NECAB1: variants seen among roughly 807,000 people sequenced by gnomAD.
NECAB1 encodes N-terminal EF-hand calcium-binding protein 1.
In NECAB1, 29 loss-of-function variants were observed where a neutral mutation model predicts 57.5. That is an observed-to-expected ratio of 0.50 (90% CI 0.38 to 0.69). NECAB1 has a LOEUF of 0.69. Among genes scored for constraint, NECAB1 ranks in the 30% least tolerant of loss-of-function variants. The pLI is 0.00. For missense variants in NECAB1, 372 were observed against 413.8 expected (o/e 0.90, Z 0.88); for synonymous variants, 142 against 147.7 (o/e 0.96, Z 0.28).
In NECAB1 at chr8:90,833,653, A is replaced by G. The variant is rs1196212913; in HGVS notation, c.233+8828A>G. On this transcript the variant is annotated intron_variant, in intron 3 of 12. Coordinates refer to ENST00000417640, the MANE Select transcript of NECAB1 (RefSeq NM_022351.5). ...GAAGCTAGATGAATGATTTATTCAC[A>G]TAAATGCAGTTTTTTTCTTAAGTCA... Among the ~76,000 whole-genome samples, 7 of 152,186 alleles carry G rather than the reference A, an allele frequency of 4.6e-5. No homozygotes were observed. In the East Asian group the frequency reaches 1.2e-3, roughly 25 times the overall value.
At chr8:90,884,708 A>T (rs1044144247) in intron 5 of NECAB1, among the ~76,000 whole-genome samples, 5 of 152,354 alleles carry the variant, frequency 3.3e-5, no homozygotes, top group Non-Finnish European at 5.9e-5. Flanking sequence ...ACCACAAAAA[A>T]TACTTTTTAA....
intron 2 of NECAB1, among the ~76,000 whole-genome samples, chr8:90,805,742 AAT>A (rs1468823986): frequency 6.6e-5 from 10 of 152,010 alleles, no homozygotes; most frequent in Non-Finnish European, 1.5e-5. Context: ...TTTATTTTAA[AAT>A]ATTTAATTGG....
intron 5 of NECAB1, among the ~76,000 whole-genome samples, chr8:90,914,815 A>C (rs1349634877): frequency 6.6e-6 from 1 of 152,226 alleles, no homozygotes; most frequent in Admixed American, 6.5e-5. Context: ...AAATGCAATA[A>C]ATTCTTAGAG....
Position 90,925,983 on chromosome 8 carries a change from C to T in NECAB1, c.616+327C>T, listed in dbSNP as rs149959977. On this transcript the variant is annotated intron_variant, in intron 7 of 12. Coordinates refer to ENST00000417640, the MANE Select transcript of NECAB1 (RefSeq NM_022351.5). Reference sequence around the variant, plus strand: ...GATCTTGAAATAAAGGGACTCTACCCTAATATGCTCTAGATCTCCAAGCCT... The same window carrying T: ...GATCTTGAAATAAAGGGACTCTACCTTAATATGCTCTAGATCTCCAAGCCT... 2.3e-3 allele frequency among the ~76,000 whole-genome samples: 351 copies of T among 152,246 alleles called. 2 individuals are homozygous for T. Among genetic ancestry groups the T allele is most frequent in the African/African-American group, 8.1e-3 (336 of 41,550 alleles).
At chr8:90,814,121 T>C (rs1586037151) in intron 2 of NECAB1, among the ~76,000 whole-genome samples, 1 of 152,242 alleles carries the variant, frequency 6.6e-6, no homozygotes. Context: ...CAGACTTTCT[T>C]TGATTTGATA....
intron 5 of NECAB1, among the ~76,000 whole-genome samples, chr8:90,884,181 A>C (rs1019839065): frequency 2.6e-5 from 4 of 152,186 alleles, no homozygotes; most frequent in Non-Finnish European, 5.9e-5. Context: ...CCTACAATAC[A>C]TTTTCAATAA....
chr8:90,915,753 G>A (rs915102905), intron 5 of NECAB1, among the ~76,000 whole-genome samples: 5 of 152,176 alleles, frequency 3.3e-5, no homozygotes, highest in African/African-American at 7.2e-5. Context: ...CAGAAGTAGG[G>A]AAGCCAACAG....
In NECAB1 at chr8:90,958,777, C is replaced by T. The variant is rs1811078822; in HGVS notation, c.*3265C>T. On this transcript the variant is annotated 3_prime_UTR_variant, in exon 13 of 13. Coordinates refer to ENST00000417640, the MANE Select transcript of NECAB1 (RefSeq NM_022351.5). ...GTCTTCCCACTTCACTAACCAAATT[C>T]CTACTTTCCAGTGTTACTTCCCAAT... 3.2e-5 allele frequency: 13 copies of T among 400,006 alleles called. No individual in the cohort carries two copies. In the South Asian group the frequency reaches 5.3e-4, roughly 16 times the overall value. 24.8% of individuals were successfully genotyped at this position (400,006 alleles called of 1,614,324 possible).
At chr8:90,884,463 G>T (rs1808922310) in intron 5 of NECAB1, among the ~76,000 whole-genome samples, 1 of 152,060 alleles carries the variant, frequency 6.6e-6, no homozygotes, top group Non-Finnish European at 1.5e-5. Context: ...ATTTCTATTT[G>T]GGACAAACAT....
intron 1 of NECAB1, among the ~76,000 whole-genome samples, chr8:90,793,330 C>T (rs1314533982): frequency 6.6e-6 from 1 of 152,182 alleles, no homozygotes; most frequent in Non-Finnish European, 1.5e-5. Flanking sequence ...GCAGCCTTCA[C>T]CCTTTATCAC....
At chr8:90,855,179 C>A (rs1812771304) in intron 3 of NECAB1, among the ~76,000 whole-genome samples, 1 of 152,206 alleles carries the variant, frequency 6.6e-6, no homozygotes, top group African/African-American at 2.4e-5. Flanking sequence ...CAAATCCAGA[C>A]AAAGCCAAGC....
At position 90,949,696 on chromosome 8, in the gene NECAB1, G is replaced by GTCAA. The variant is rs1563547082; in HGVS notation, c.861-110_861-109insCAAT. 9 of 483,332 alleles carry GTCAA rather than the reference G, an allele frequency of 1.9e-5. No individual in the cohort carries two copies. In the South Asian group the frequency reaches 4.4e-4, roughly 23 times the overall value. 29.9% of individuals were successfully genotyped at this position (483,332 alleles called of 1,614,324 possible). On this transcript the variant is annotated intron_variant, in intron 10 of 12. Coordinates refer to ENST00000417640, the MANE Select transcript of NECAB1 (RefSeq NM_022351.5). ...GATTTTCATGCAGGCACCTTAGATT[G>GTCAA]TTTCCTCTATTAATGGATAAGATTG...
intron 5 of NECAB1, among the ~76,000 whole-genome samples, chr8:90,882,149 T>G (rs1272803632): frequency 6.6e-6 from 1 of 152,122 alleles, no homozygotes; most frequent in Non-Finnish European, 1.5e-5. Context: ...ACAAAAAACC[T>G]CATGCAGTCT....
intron 12 of NECAB1, among the ~76,000 whole-genome samples, chr8:90,954,866 T>C (rs1024029762): frequency 2.0e-5 from 3 of 148,174 alleles, no homozygotes; most frequent in African/African-American, 7.4e-5. Flanking sequence ...TATGTATACA[T>C]ATGCATATAT....
At chr8:90,884,549 T>G (rs1808924954) in intron 5 of NECAB1, among the ~76,000 whole-genome samples, 1 of 152,200 alleles carries the variant, frequency 6.6e-6, no homozygotes, top group South Asian at 2.1e-4. Flanking sequence ...GCTGAAATGA[T>G]ACCATATGTG....
At chr8:90,899,723 G>T (rs1030406070) in intron 5 of NECAB1, among the ~76,000 whole-genome samples, 6 of 152,110 alleles carry the variant, frequency 3.9e-5, no homozygotes, top group African/African-American at 1.4e-4. Flanking sequence ...TTTTGTATGT[G>T]TTTATTATAC....
In NECAB1 at chr8:90,946,193, A is replaced by G. The variant is rs558844382; in HGVS notation, c.861-3614A>G. On this transcript the variant is annotated intron_variant, in intron 10 of 12. Transcript: ENST00000417640. ...TTTTGGCCCTTAACTGAAAGTACCC[A>G]TTCTGTAAAGCAATTCTGGTTAGCA... Among the ~76,000 whole-genome samples the G allele has an allele frequency of 5.9e-5, 9 of 152,332 alleles. No homozygotes were observed. In the South Asian group the frequency reaches 1.9e-3, roughly 32 times the overall value.
intron 2 of NECAB1, among the ~76,000 whole-genome samples, chr8:90,816,572 T>G (rs887062154): frequency 5.9e-5 from 9 of 151,850 alleles, no homozygotes; most frequent in Non-Finnish European, 1.2e-4. Context: ...CACTATTTGT[T>G]GAAAAGATGA....
At chr8:90,919,106 G>T (rs1247315063) in intron 6 of NECAB1, among the ~76,000 whole-genome samples, 1 of 152,122 alleles carries the variant, frequency 6.6e-6, no homozygotes, top group African/African-American at 2.4e-5. Flanking sequence ...TATAAATAAA[G>T]GCACTAATGC....
Sources: gnomAD v4.1 joint callset for allele counts (sites outside exome capture counted in the v4.1 genomes callset) on GRCh38, gnomAD v4.1.1 for gene constraint, MANE v1.5 for transcripts, NCBI Gene and HGNC (gene_info 2026-07-23, HGNC 2026-07-21) for gene names.